Variants in NCOR1 observed in about 807,000 individuals in gnomAD.
The protein encoded by NCOR1 is nuclear receptor corepressor 1, also known as protein phosphatase 1, regulatory subunit 109.
Under a neutral mutation model 288.1 loss-of-function variants are expected in NCOR1, and 63 were observed. The observed-to-expected ratio is 0.22, with a 90% CI of 0.18 to 0.27. The LOEUF is 0.27. Among genes scored for constraint, NCOR1 ranks in the 10% least tolerant of loss-of-function variants. NCOR1 has a pLI of 1.00. For missense variants in NCOR1, 2,397 were observed against 3,019.2 expected (o/e 0.79, Z 4.83); for synonymous variants, 1,007 against 1,065.9 (o/e 0.94, Z 1.08).
At chr17:16,201,865 G>T (rs2090858142) in intron 1 of NCOR1, among the ~76,000 whole-genome samples, 1 of 152,140 alleles carries the variant, frequency 6.6e-6, no homozygotes. Context: ...AGAGGCAGGT[G>T]GATCACTTGA....
Position 16,138,148 on chromosome 17 carries a change from C to T in NCOR1, c.1407+10G>A. The T allele has an allele frequency of 6.2e-7, 1 of 1,608,158 alleles. No individual in the cohort carries two copies. Among genetic ancestry groups the T allele is most frequent in the Non-Finnish European group, 8.5e-7 (1 of 1,175,284 alleles). On this transcript the variant is annotated intron_variant, in intron 13 of 45. Coordinates refer to ENST00000268712, the MANE Select transcript of NCOR1 (RefSeq NM_006311.4). ...ACCTACAAACACTCCCAATGCAAAC[C>T]ATGTCTTACCTTCCTCTCCAAGTAT...
At chr17:16,103,857 A>G (rs2068076556) in intron 19 of NCOR1, among the ~76,000 whole-genome samples, 1 of 152,230 alleles carries the variant, frequency 6.6e-6, no homozygotes, top group Non-Finnish European at 1.5e-5. Flanking sequence ...CTCTACTAAA[A>G]ATACAAAATT....
At chr17:16,199,216 A>AACACACACAC (rs148297225) in intron 1 of NCOR1, among the ~76,000 whole-genome samples, 15 of 122,314 alleles carry the variant, frequency 1.2e-4, no homozygotes, top group East Asian at 1.1e-3. Flanking sequence ...AAAAAAAAAA[A>AACACACACAC]ACACACACAC....
At chr17:16,065,121 G>T in intron 33 of NCOR1, 102 bp from the exon 34 acceptor site, 2 of 1,054,100 alleles carry the variant, frequency 1.9e-6, no homozygotes, top group Non-Finnish European at 2.8e-6. Flanking sequence ...AGGGTAATTT[G>T]TACATAATAT....
chr17:16,062,345 ATTGT>A (rs1176195047), intron 35 of NCOR1, 75 bp from the exon 36 acceptor site: 5 of 1,409,882 alleles, frequency 3.5e-6, no homozygotes, highest in Admixed American at 5.7e-5. Flanking sequence ...ATGCTTATGG[ATTGT>A]TTATTTCCTA....
chr17:16,047,155 T>C (rs1427426798), intron 41 of NCOR1, 62 bp from the exon 42 acceptor site: 1 of 1,497,756 alleles, frequency 6.7e-7, no homozygotes, highest in East Asian at 2.3e-5. Flanking sequence ...GACATTCCTA[T>C]CAATGATAAC....
At chr17:16,066,385 G>C (rs1462480694) in intron 32 of NCOR1, among the ~76,000 whole-genome samples, 1 of 152,168 alleles carries the variant, frequency 6.6e-6, no homozygotes, top group Non-Finnish European at 1.5e-5. Flanking sequence ...CTAGGTGAGA[G>C]AATGACACAA....
At chr17:16,094,235 C>T (rs914425935) in intron 21 of NCOR1, among the ~76,000 whole-genome samples, 2 of 152,000 alleles carry the variant, frequency 1.3e-5, no homozygotes, top group East Asian at 1.9e-4. Context: ...CCGGTCCATA[C>T]GTTTTTTGAA....
At chr17:16,195,432 T>C (rs1315719795) in intron 1 of NCOR1, among the ~76,000 whole-genome samples, 4 of 151,968 alleles carry the variant, frequency 2.6e-5, no homozygotes, top group South Asian at 4.2e-4. Context: ...GATCACGCCA[T>C]TGCACGCCAG....
chr17:16,203,315 A>T (rs1189215889), intron 1 of NCOR1, among the ~76,000 whole-genome samples: 1 of 152,128 alleles, frequency 6.6e-6, no homozygotes, highest in Non-Finnish European at 1.5e-5. Context: ...TGGCCTGCTT[A>T]CTTTCCAGAT....
At chr17:16,092,622 CTCTT>C (rs1276618607) in intron 21 of NCOR1, among the ~76,000 whole-genome samples, 1 of 135,442 alleles carries the variant, frequency 7.4e-6, no homozygotes, top group East Asian at 2.2e-4. Context: ...TCCCTCATCT[CTCTT>C]TCACCAGGGA....
chr17:16,185,962 C>G (rs2086599122), intron 3 of NCOR1, among the ~76,000 whole-genome samples: 1 of 151,796 alleles, frequency 6.6e-6, no homozygotes, highest in Non-Finnish European at 1.5e-5. Context: ...AAAAAACAAA[C>G]AAAACTTTCA....
chr17:16,064,260 C>T (rs202222284), intron 34 of NCOR1, 73 bp from the exon 35 acceptor site: 184 of 1,521,446 alleles, frequency 1.2e-4, no homozygotes, highest in Non-Finnish European at 1.5e-4. Context: ...TTCCGAAATT[C>T]TAAGTGACTG....
intron 37 of NCOR1, among the ~76,000 whole-genome samples, chr17:16,058,981 G>A (rs1373185679): frequency 6.7e-6 from 1 of 150,324 alleles, no homozygotes; most frequent in Non-Finnish European, 1.5e-5. Context: ...CCCGGGAGGC[G>A]GAGGTTGTGG....
intron 26 of NCOR1, among the ~76,000 whole-genome samples, chr17:16,077,476 AG>A (rs2152788809): frequency 3.8e-4 from 7 of 18,272 alleles, no homozygotes; most frequent in Admixed American, 6.5e-4. Context: ...AGGAGAGGGG[AG>A]GAGAGGGGAG....
intron 9 of NCOR1, 151 bp from the exon 10 acceptor site, chr17:16,146,699 A>T: frequency 1.5e-6 from 1 of 667,824 alleles, no homozygotes; most frequent in African/African-American, 1.8e-5. Flanking sequence ...CAAAGAGGAG[A>T]GAGGAAAGGT....
intron 3 of NCOR1, 99 bp from the exon 4 acceptor site, chr17:16,172,094 G>A: frequency 9.9e-7 from 1 of 1,007,444 alleles, no homozygotes; most frequent in Non-Finnish European, 1.4e-6. Context: ...AAATGAAAAA[G>A]TCATGCTTAC....
rs2152999941 is a variant in NCOR1, at chr17:16,101,728, G to A, written c.2212C>T (p.Pro738Ser). 1.9e-6 allele frequency: 3 copies of A among 1,614,204 alleles called. No homozygotes were observed. The highest frequency in any genetic ancestry group is 2.5e-6 in the Non-Finnish European group (3 of 1,180,044). ...TTTCCTCGAGAAGTAGCATTTTCAG[G>A]ACTGTCCTCGCTGGGCTTGACAGCT... is the stretch of plus-strand genomic sequence containing the variant. ...VEAVKPSEDS[P>S]ENATSRGNTE... The change falls in exon 20 of 46, where the codon CCT (proline) becomes TCT (serine). Residue 738 changes from proline (P) to serine (S), a missense_variant. Coordinates refer to ENST00000268712, the MANE Select transcript of NCOR1 (RefSeq NM_006311.4).
At chr17:16,046,806 C>T in intron 42 of NCOR1, 145 bp downstream of exon 42, 1 of 938,300 alleles carries the variant, frequency 1.1e-6, no homozygotes, top group Non-Finnish European at 1.5e-6. Flanking sequence ...CTGGCAGACA[C>T]TTGAGAAGGA....
Sources: allele counts gnomAD v4.1 joint callset (sites outside exome capture counted in the v4.1 genomes callset), GRCh38; gene constraint gnomAD v4.1.1; transcripts MANE v1.5; gene names NCBI Gene and HGNC (gene_info 2026-07-23, HGNC 2026-07-21).